The following ATP8A2 variants were observed in gnomAD, a reference collection of about 807,000 sequenced individuals.
ATP8A2 encodes the protein phospholipid-transporting ATPase IB.
A neutral mutation model predicts 165.6 loss-of-function variants in ATP8A2; 100 were observed. That is an observed-to-expected ratio of 0.60 (90% CI 0.51 to 0.71). ATP8A2 has a LOEUF of 0.71. Ranked by LOEUF, ATP8A2 falls within the 30% of genes least tolerant of loss-of-function variation. ATP8A2 has a pLI of 0.00. For synonymous variants in ATP8A2, 543 were observed against 548.8 expected (o/e 0.99, Z 0.15); for missense variants, 1,227 against 1,479.5 (o/e 0.83, Z 2.80).
At chr13:25,756,708 TAGGATTAC>T (rs1261967036) in intron 25 of ATP8A2, among the ~76,000 whole-genome samples, 1 of 152,206 alleles carries the variant, frequency 6.6e-6, no homozygotes, top group Non-Finnish European at 1.5e-5. Context: ...GAGTTGTGCT[TAGGATTAC>T]AGCAGCCAAT....
At chr13:25,430,278 G>A (rs1477000256) in intron 1 of ATP8A2, among the ~76,000 whole-genome samples, 5 of 152,034 alleles carry the variant, frequency 3.3e-5, no homozygotes, top group African/African-American at 4.8e-5. Context: ...AACTGTGGGG[G>A]CGTCTCCGGT....
chr13:25,642,741 C>T (rs1197310263), intron 24 of ATP8A2, among the ~76,000 whole-genome samples: 2 of 152,192 alleles, frequency 1.3e-5, no homozygotes, highest in Non-Finnish European at 2.9e-5. Context: ...ATAAATCCTG[C>T]TGCTATAAAG....
At chr13:25,769,590 G>C (rs1226205430) in intron 26 of ATP8A2, among the ~76,000 whole-genome samples, 1 of 152,210 alleles carries the variant, frequency 6.6e-6, no homozygotes, top group Non-Finnish European at 1.5e-5. Context: ...CTGAAGCACA[G>C]CTGTGCTCAT....
intron 24 of ATP8A2, among the ~76,000 whole-genome samples, chr13:25,672,918 G>T (rs1207914311): frequency 1.3e-5 from 2 of 152,188 alleles, no homozygotes; most frequent in Admixed American, 1.3e-4. Flanking sequence ...AGGCTTTGGT[G>T]GTTTGGAGAC....
chr13:25,794,807 G>C (rs1000245399), intron 27 of ATP8A2, among the ~76,000 whole-genome samples: 1 of 129,052 alleles, frequency 7.7e-6, no homozygotes, highest in Admixed American at 8.1e-5. Flanking sequence ...CTGCCCCAAC[G>C]CATTCCCTCT....
chr13:25,625,498 T>G (rs1262954723), intron 24 of ATP8A2, among the ~76,000 whole-genome samples: 2 of 152,198 alleles, frequency 1.3e-5, no homozygotes, highest in Non-Finnish European at 2.9e-5. Flanking sequence ...ATTCAAAGAT[T>G]ATTAAATTAC....
At chr13:25,989,729 A>G (rs1040044389) in intron 35 of ATP8A2, among the ~76,000 whole-genome samples, 1 of 151,918 alleles carries the variant, frequency 6.6e-6, no homozygotes, top group Non-Finnish European at 1.5e-5. Context: ...TTACCTTTTT[A>G]TAAGGATCCT....
At chr13:25,456,072 A>G (rs1327905802) in intron 1 of ATP8A2, among the ~76,000 whole-genome samples, 4 of 152,208 alleles carry the variant, frequency 2.6e-5, no homozygotes, top group Non-Finnish European at 4.4e-5. Flanking sequence ...ATAGTTGTTC[A>G]TGTTGCAGCA....
intron 35 of ATP8A2, among the ~76,000 whole-genome samples, chr13:25,989,290 T>C (rs1385409488): frequency 1.3e-5 from 2 of 152,082 alleles, no homozygotes; most frequent in African/African-American, 4.8e-5. Context: ...AGGTTATTTT[T>C]ATTGCAATTA....
At chr13:25,938,487 T>C (rs1467806988) in intron 33 of ATP8A2, among the ~76,000 whole-genome samples, 4 of 152,222 alleles carry the variant, frequency 2.6e-5, no homozygotes, top group African/African-American at 9.6e-5. Context: ...TGCACATATG[T>C]AGTATTTCAC....
Position 25,579,928 on chromosome 13 carries a change from G to A in ATP8A2, c.1988G>A (p.Cys663Tyr). The A allele has an allele frequency of 6.2e-7, 1 of 1,614,024 alleles. No homozygotes were observed. Among genetic ancestry groups the A allele is most frequent in the East Asian group, 2.2e-5 (1 of 44,860 alleles). ...GACAGAGCTCAACGGTTGGAAGAGT[G>A]TTACGAGATCATTGAGAAGGTAACC... ...LKDRAQRLEE[C>Y]YEIIEKNLLL... The change falls in exon 22 of 37, where the codon TGT becomes TAT. Residue 663 changes from cysteine (C) to tyrosine (Y), a missense_variant. Transcript: ENST00000381655.
At chr13:25,670,329 C>T (rs766914909) in intron 24 of ATP8A2, among the ~76,000 whole-genome samples, 1 of 152,066 alleles carries the variant, frequency 6.6e-6, no homozygotes, top group Non-Finnish European at 1.5e-5. Context: ...TTCAGGCAGC[C>T]TTTTCTGCCT....
chr13:25,616,265 C>A (rs576873903), intron 24 of ATP8A2, among the ~76,000 whole-genome samples: 1 of 151,682 alleles, frequency 6.6e-6, no homozygotes, highest in East Asian at 1.9e-4. Flanking sequence ...TGCATAAATA[C>A]GAATCTTTTC....
At chr13:25,777,780 G>T (rs2044774711) in intron 27 of ATP8A2, among the ~76,000 whole-genome samples, 1 of 152,234 alleles carries the variant, frequency 6.6e-6, no homozygotes, top group African/African-American at 2.4e-5. Context: ...AGCCTGTGAT[G>T]TAATGCAGTC....
At chr13:25,531,468 TTA>T (rs1192537293) in intron 4 of ATP8A2, among the ~76,000 whole-genome samples, 19 of 141,600 alleles carry the variant, frequency 1.3e-4, no homozygotes, top group African/African-American at 4.7e-4. Context: ...TATATATATG[TTA>T]TATATATATG....
In ATP8A2 at chr13:25,922,299, C is replaced by A. The variant is rs79256289; in HGVS notation, c.3184-39276C>A. Among the ~76,000 whole-genome samples, 18 of 152,190 alleles carry A rather than the reference C, an allele frequency of 1.2e-4. No homozygotes were observed. In the East Asian group the frequency reaches 3.5e-3, roughly 29 times the overall value. ...GATCTGAGTGAGTCTGAGCAGGGCC[C>A]CAGGTGGATTTATAGGTGTTTAGAA... On this transcript the variant is annotated intron_variant, in intron 33 of 36. Coordinates refer to ENST00000381655, the MANE Select transcript of ATP8A2 (RefSeq NM_016529.6).
rs569751607 is a variant in ATP8A2, at chr13:25,489,155, C to T, written c.221+20034C>T. Among the ~76,000 whole-genome samples, 29 of 152,224 alleles carry T rather than the reference C, an allele frequency of 1.9e-4. No individual in the cohort carries two copies. In the South Asian group the frequency reaches 5.6e-3, roughly 29 times the overall value. On this transcript the variant is annotated intron_variant, in intron 2 of 36. Coordinates refer to ENST00000381655, the MANE Select transcript of ATP8A2 (RefSeq NM_016529.6). ...GGTTATCGTTCTAAAACAGCCAAGGCACTGTGATTCTCCCTGTTGAGGGAC... is the reference window on the plus strand; with the variant it reads ...GGTTATCGTTCTAAAACAGCCAAGGTACTGTGATTCTCCCTGTTGAGGGAC...
intron 30 of ATP8A2, among the ~76,000 whole-genome samples, chr13:25,843,787 T>C (rs1429653768): frequency 6.6e-6 from 1 of 152,146 alleles, no homozygotes; most frequent in African/African-American, 2.4e-5. Flanking sequence ...TACATATTTC[T>C]AGCATCCCCC....
At chr13:25,976,429 C>T (rs1038735490) in intron 35 of ATP8A2, among the ~76,000 whole-genome samples, 16 of 152,114 alleles carry the variant, frequency 1.1e-4, no homozygotes, top group Non-Finnish European at 2.4e-4. Flanking sequence ...TACTTCAGGC[C>T]TCTTTCCACC....
Sources: gnomAD v4.1 joint callset for allele counts (sites outside exome capture counted in the v4.1 genomes callset) on GRCh38, gnomAD v4.1.1 for gene constraint, MANE v1.5 for transcripts, NCBI Gene and HGNC (gene_info 2026-07-23, HGNC 2026-07-21) for gene names.